The following SP140 variants were observed in gnomAD, a reference collection of about 807,000 sequenced individuals.
The protein encoded by SP140 is SP140 nuclear body protein, also known as nuclear body protein SP140.
SP140 carries 81 observed loss-of-function variants against 125.0 expected under a neutral mutation model. The observed-to-expected ratio is 0.65, with a 90% CI of 0.54 to 0.78. SP140 has a LOEUF of 0.78. Among genes scored for constraint, SP140 ranks in the 30% least tolerant of loss-of-function variants. The pLI is 0.00. For missense variants in SP140, 858 were observed against 1,037.0 expected (o/e 0.83, Z 2.37); for synonymous variants, 312 against 354.0 (o/e 0.88, Z 1.33).
At chr2:230,314,813 C>T (rs2059472814), downstream of SP140, among the ~76,000 whole-genome samples, 1 of 152,192 alleles carries the variant, frequency 6.6e-6, no homozygotes, top group Non-Finnish European at 1.5e-5. Flanking sequence ...GGCAGCACAT[C>T]CTTGAGAAGC....
upstream of SP140, chr2:230,225,479 C>T (rs1357377696): frequency 2.9e-6 from 1 of 345,696 alleles, no homozygotes; most frequent in Non-Finnish European, 5.6e-6. Context: ...TCAGCCACCT[C>T]AGCAAGGGGT....
intron 3 of SP140, among the ~76,000 whole-genome samples, chr2:230,215,522 T>C (rs780973741): frequency 6.6e-6 from 1 of 152,234 alleles, no homozygotes; most frequent in Non-Finnish European, 1.5e-5. Flanking sequence ...TTCTGCTGGT[T>C]GCTTGTGAGC....
At chr2:230,284,255 G>GA (rs1021828809) in intron 15 of SP140, 91 bp from the exon 16 acceptor site, 21 of 1,294,066 alleles carry the variant, frequency 1.6e-5, no homozygotes, top group African/African-American at 4.6e-5. Context: ...ACCAAAGTAT[G>GA]AAAAAAAATC....
At chr2:230,234,521 A>C (rs375005197) in intron 1 of SP140, among the ~76,000 whole-genome samples, 1 of 152,220 alleles carries the variant, frequency 6.6e-6, no homozygotes, top group Admixed American at 6.5e-5. Context: ...ACATTTTTCC[A>C]TTTTAATTTT....
chr2:230,214,393 C>T (rs1051354640), intron 3 of SP140, among the ~76,000 whole-genome samples: 1 of 152,044 alleles, frequency 6.6e-6, no homozygotes, highest in East Asian at 1.9e-4. Flanking sequence ...ATTGGGAGAC[C>T]CAAGTAGGAC....
intron 15 of SP140, among the ~76,000 whole-genome samples, chr2:230,280,945 C>G (rs2055450823): frequency 6.6e-6 from 1 of 152,026 alleles, no homozygotes; most frequent in South Asian, 2.1e-4. Context: ...GGGTGTACAA[C>G]TTTTTCTTTA....
intron 1 of SP140, among the ~76,000 whole-genome samples, chr2:230,206,704 A>C (rs528392551): frequency 7.0e-6 from 1 of 142,116 alleles, no homozygotes; most frequent in South Asian, 2.3e-4. Flanking sequence ...CTGATTTCTC[A>C]GTGTTCCTGT....
At chr2:230,293,752 G>T (rs1220938703) in intron 20 of SP140, among the ~76,000 whole-genome samples, 1 of 152,158 alleles carries the variant, frequency 6.6e-6, no homozygotes, top group Non-Finnish European at 1.5e-5. Context: ...ACCTGTCATG[G>T]GCCATTGACC....
chr2:230,259,166 T>C (rs558311177), intron 12 of SP140, among the ~76,000 whole-genome samples: 33 of 152,294 alleles, frequency 2.2e-4, no homozygotes, highest in Non-Finnish European at 4.1e-4. Context: ...AGTTCTTTAG[T>C]GGTGATTTGT....
intron 1 of SP140, chr2:230,212,665 A>G: frequency 6.7e-7 from 1 of 1,487,014 alleles, no homozygotes. Context: ...GAGAAGAACT[A>G]GGACAATAAA....
Position 230,287,916 on chromosome 2 carries a change from C to G in SP140, c.1670C>G (p.Thr557Ser), listed in dbSNP as rs1370692075. 8.7e-6 allele frequency: 14 copies of G among 1,612,056 alleles called. 1 individual carries two copies. The Admixed American group carries it at 1.8e-4, about 21-fold the overall frequency. ...IRGRKRGKPG[T>S]RFTQSDRAAQ... The stretch of plus-strand genomic sequence containing the variant: ...GGGAGAAAGAGAGGCAAACCTGGAA[C>G]CCGCTTCACTCAGAGTGACAGAGCT... The change falls in exon 18 of 27, where the codon ACC (threonine) becomes AGC (serine). Residue 557 changes from threonine (T) to serine (S), a missense_variant. By Grantham distance (58) the Thr-to-Ser change is moderately conservative. Around this residue, in one of 4 missense-constraint regions of SP140, gnomAD observed 791 missense variants for 869.5 expected, o/e 0.91. Coordinates refer to ENST00000392045, the MANE Select transcript of SP140 (RefSeq NM_007237.5).
intron 14 of SP140, among the ~76,000 whole-genome samples, 162 bp from the exon 15 acceptor site, chr2:230,270,424 T>C (rs1249480359): frequency 6.6e-6 from 1 of 152,214 alleles, no homozygotes; most frequent in Non-Finnish European, 1.5e-5. Context: ...CCTAGACTCC[T>C]AGTTCTCAGT....
chr2:230,305,363 A>T (rs548372545), intron 22 of SP140, among the ~76,000 whole-genome samples: 1 of 152,262 alleles, frequency 6.6e-6, no homozygotes, highest in Non-Finnish European at 1.5e-5. Context: ...TTAAAGAAGT[A>T]TAAGTAGATC....
chr2:230,200,886 T>C (rs1167594483), upstream of SP140: 2 of 1,610,672 alleles, frequency 1.2e-6, no homozygotes, highest in Non-Finnish European at 1.7e-6. Flanking sequence ...AAGTTTTACC[T>C]TGTGTGACCC....
intron 3 of SP140, among the ~76,000 whole-genome samples, chr2:230,218,755 C>T (rs949504672): frequency 1.2e-4 from 18 of 152,324 alleles, no homozygotes; most frequent in South Asian, 2.1e-4. Flanking sequence ...CAAGATACTA[C>T]ATCTCATATA....
chr2:230,284,260 A>G (rs986154232), intron 15 of SP140, 86 bp from the exon 16 acceptor site: 17 of 1,345,800 alleles, frequency 1.3e-5, no homozygotes, highest in Admixed American at 2.6e-5. Flanking sequence ...AGTATGAAAA[A>G]AAATCTTTAA....
the SP140 span, among the ~76,000 whole-genome samples, chr2:230,192,230 A>T: frequency 6.6e-6 from 1 of 152,250 alleles, no homozygotes; most frequent in Admixed American, 6.5e-5. Flanking sequence ...AGTACAAGAC[A>T]AGGATGCCCT....
intron 23 of SP140, chr2:230,310,256 G>A (rs1210307394): frequency 1.8e-6 from 1 of 567,034 alleles, no homozygotes; most frequent in Non-Finnish European, 3.1e-6. Context: ...CTGATATGCT[G>A]AGGGCAGTGT....
intron 16 of SP140, among the ~76,000 whole-genome samples, chr2:230,284,968 G>C (rs951350668): frequency 1.3e-5 from 2 of 151,866 alleles, no homozygotes; most frequent in Admixed American, 1.3e-4. Flanking sequence ...TTTTATCTGT[G>C]GTTTTTAAAT....
Sources: gnomAD v4.1 joint callset for allele counts (sites outside exome capture counted in the v4.1 genomes callset) on GRCh38, gnomAD v4.1.1 for gene constraint, gnomAD v4.1.1 regional missense constraint, MANE v1.5 for transcripts, NCBI Gene and HGNC (gene_info 2026-07-23, HGNC 2026-07-21) for gene names.